XRCC3: variants seen among roughly 807,000 people sequenced by gnomAD.
The protein encoded by XRCC3 is DNA repair protein XRCC3.
XRCC3 carries 34 observed loss-of-function variants against 29.2 expected under a neutral mutation model. That is an observed-to-expected ratio of 1.16 (90% CI 0.88 to 1.55). The LOEUF is 1.55. XRCC3 is among the 40% of genes most tolerant of loss of function. XRCC3 has a pLI of 0.00. For synonymous variants in XRCC3, 223 were observed against 211.3 expected, an observed-to-expected ratio of 1.06 and a Z score of -0.48; for missense variants, 463 against 467.6, an observed-to-expected ratio of 0.99 and a Z score of 0.09.
intron 7 of XRCC3, chr14:103,701,322 T>C: frequency 9.6e-7 from 1 of 1,046,616 alleles, no homozygotes; most frequent in Non-Finnish European, 1.4e-6. Flanking sequence ...TCATTTCTCC[T>C]GCGTCTGTGT....
At chr14:103,707,368 A>G (rs2083471985) in intron 5 of XRCC3, 153 bp from the exon 6 acceptor site, 2 of 866,690 alleles carry the variant, frequency 2.3e-6, no homozygotes, top group South Asian at 3.0e-5. Context: ...TGCTGAGGGC[A>G]GGGAGGGGGG....
chr14:103,708,748 T>C, intron 4 of XRCC3, 89 bp from the exon 5 acceptor site: 2 of 1,534,164 alleles, frequency 1.3e-6, no homozygotes, highest in Non-Finnish European at 1.8e-6. Context: ...TTAAGAGCAC[T>C]GTGAGAGCAC....
At position 103,703,215 on chromosome 14, in the gene XRCC3, G is replaced by T. The variant is rs1313407368; in HGVS notation, c.519C>A (p.Leu173=). The T allele has an allele frequency of 6.4e-7, 1 of 1,569,512 alleles. No individual in the cohort carries two copies. The stretch of plus-strand genomic sequence containing the variant: ...CGATGAAGATCTGGCTGCCAAATCG[G>T]AGCTTCTGAAGCAGCTCTCCTGGAA... ...TDVPGELLQK[L]RFGSQIFIEH... is the part of the protein sequence containing the mutation. The change falls in exon 7 of 10, where the codon CTC becomes CTA. Residue 173 remains leucine (L), a synonymous_variant. Coordinates refer to ENST00000555055, the MANE Select transcript of XRCC3 (RefSeq NM_005432.4).
chr14:103,703,024 G>A (rs940842814), intron 7 of XRCC3, 149 bp downstream of exon 7: 27 of 1,260,814 alleles, frequency 2.1e-5, no homozygotes, highest in Middle Eastern at 2.1e-4. Context: ...CTCCTCGGGC[G>A]TAAACCCCCA....
Position 103,711,185 on chromosome 14 carries a change from G to T in XRCC3, c.-98C>A. ...CACTCGCCTTCAATTCAAAGCCTGT[G>T]GGAGGCCCGAACCAGGGAAGTGACA... is the stretch of plus-strand genomic sequence containing the variant. On this transcript the variant is annotated 5_prime_UTR_variant, in exon 4 of 10. Transcript: ENST00000555055. The T allele has an allele frequency of 1.4e-6, 2 of 1,379,590 alleles. No individual in the cohort carries two copies. Among genetic ancestry groups the T allele is most frequent in the South Asian group, 1.2e-5 (1 of 84,714 alleles). The allele number at this position is 1,379,590 out of a possible 1,614,324, so 85.5% of individuals were successfully genotyped here. A position where few individuals can be genotyped will look rare whatever the true frequency, so the allele number is the denominator to read the frequency against.
At position 103,703,008 on chromosome 14, in the gene XRCC3, C is replaced by A. The variant is rs180890906; in HGVS notation, c.561+165G>T. ...TCAGTCACTCTCCATCCTCTGACCC[C>A]ACCTGCTCCTCGGGCGTAAACCCCC... is the stretch of plus-strand genomic sequence containing the variant. On this transcript the variant is annotated intron_variant, in intron 7 of 9. Transcript: ENST00000555055. 10 of 1,075,454 alleles carry A rather than the reference C, an allele frequency of 9.3e-6. No individual in the cohort carries two copies. In the Admixed American group the frequency reaches 1.7e-4, roughly 19 times the overall value. 66.6% of individuals were successfully genotyped at this position (1,075,454 alleles called of 1,614,324 possible).
intron 8 of XRCC3, 71 bp from the exon 9 acceptor site, chr14:103,699,250 C>G (rs991885466): frequency 6.5e-7 from 1 of 1,539,654 alleles, no homozygotes; most frequent in African/African-American, 1.4e-5. Flanking sequence ...AGGCTGCTAC[C>G]CGCAGGAGCC....
Position 103,708,560 on chromosome 14 carries a change from G to GGGAC in XRCC3, c.154_155insGTCC (p.Thr52SerfsTer54), listed in dbSNP as rs762959042. ...GCTTCCCCGCAAGTGTAAGGAGGCC[G>GGGAC]TTCTCAGCAAGTGCCAGACCTCGGG... is the stretch of plus-strand genomic sequence containing the variant. On this transcript the variant is annotated frameshift_variant, in exon 5 of 10. Coordinates refer to ENST00000555055, the MANE Select transcript of XRCC3 (RefSeq NM_005432.4). LOFTEE classifies it high-confidence loss of function. 21 of 1,613,986 alleles carry GGGAC rather than the reference G, an allele frequency of 1.3e-5. No homozygotes were observed. Among genetic ancestry groups the GGGAC allele is most frequent in the Non-Finnish European group, 1.7e-5 (20 of 1,180,012 alleles).
At chr14:103,712,310 G>A in intron 2 of XRCC3, 1 of 155,506 alleles carries the variant, frequency 6.4e-6, no homozygotes, top group Non-Finnish European at 1.4e-5. Flanking sequence ...GACAGGAACT[G>A]GCGAGAAGCC....
In XRCC3 at chr14:103,698,898, G is replaced by A. The variant is rs1196405031; in HGVS notation, c.941C>T (p.Thr314Ile). The A allele has an allele frequency of 1.2e-6, 2 of 1,602,864 alleles. No homozygotes were observed. Among genetic ancestry groups the A allele is most frequent in the Non-Finnish European group, 1.7e-6 (2 of 1,175,238 alleles). The change falls in exon 10 of 10, where the codon ACC (threonine) becomes ATC (isoleucine). Residue 314 changes from threonine (T) to isoleucine (I), a missense_variant. By Grantham distance (89) the Thr-to-Ile change is moderately conservative. Transcript: ENST00000555055. ...EEAALGCPAR[T>I]LRVLSAPHLP... ...GTGGGGGGCAGAGAGCACCCGCAGGGTCCGGGCTGGGCAGCCGAGGGCAGC... is the reference window on the plus strand; with the variant it reads ...GTGGGGGGCAGAGAGCACCCGCAGGATCCGGGCTGGGCAGCCGAGGGCAGC...
intron 6 of XRCC3, 113 bp downstream of exon 6, chr14:103,706,890 A>G: frequency 1.7e-6 from 2 of 1,190,552 alleles, no homozygotes; most frequent in South Asian, 1.3e-5. Flanking sequence ...AGGGAGACGC[A>G]ATGGTAGGAA....
intron 3 of XRCC3, 85 bp downstream of exon 3, chr14:103,711,381 C>T (rs1567062619): frequency 1.6e-6 from 1 of 615,976 alleles, no homozygotes; most frequent in African/African-American, 1.8e-5. Context: ...GAAAAACCCC[C>T]CAAACCCACC....
rs1435280571 is a variant in XRCC3, at chr14:103,699,366, G to T, written c.772C>A (p.Gln258Lys). The change falls in exon 8 of 10, where the codon CAG (glutamine) becomes AAG (lysine). Residue 258 changes from glutamine to lysine, a missense_variant and splice_region_variant. Coordinates refer to ENST00000555055, the MANE Select transcript of XRCC3 (RefSeq NM_005432.4). ...TGCAACCCTGCCTTGGTGCTCACCT[G>T]GTTGATGCACAGCACAGGGCTCTGG... ...AFQSPVLCIN[Q>K]VTEAMEEQGA... The T allele has an allele frequency of 2.5e-6, 4 of 1,604,776 alleles. No homozygotes were observed. Among genetic ancestry groups the T allele is most frequent in the South Asian group, 1.1e-5 (1 of 90,190 alleles).
chr14:103,709,627 G>A (rs1196251827), intron 4 of XRCC3: 1 of 152,258 alleles, frequency 6.6e-6, no homozygotes, highest in Non-Finnish European at 1.5e-5. Context: ...CCAGCGGAGG[G>A]GGCTTCCCGC....
In XRCC3 at chr14:103,702,994, C is replaced by T. The variant is rs537192279; in HGVS notation, c.561+179G>A. ...CCTGCCAGTTCCTCTCAGTCACTCT[C>T]CATCCTCTGACCCCACCTGCTCCTC... On this transcript the variant is annotated intron_variant, in intron 7 of 9. Transcript: ENST00000555055. 3 of 931,270 alleles carry T rather than the reference C, an allele frequency of 3.2e-6. No individual in the cohort carries two copies. In the Admixed American group the frequency reaches 6.9e-5, roughly 21 times the overall value. 57.7% of individuals were successfully genotyped at this position (931,270 alleles called of 1,614,324 possible).
In XRCC3 at chr14:103,698,506, G is replaced by C; in HGVS notation, c.*292C>G. On this transcript the variant is annotated 3_prime_UTR_variant, in exon 10 of 10. Transcript: ENST00000555055. ...AGGGAGTCACTGTAGGACACCCCAG[G>C]CTCCAGCCCTGAGAATCACCTCTCC... is the stretch of plus-strand genomic sequence containing the variant. 1 of 475,160 alleles carries C rather than the reference G, an allele frequency of 2.1e-6. No homozygotes were observed. The highest frequency in any genetic ancestry group is 3.9e-6 in the Non-Finnish European group (1 of 257,510). The allele number at this position is 475,160 out of a possible 1,614,324, so 29.4% of individuals were successfully genotyped here. A position where few individuals can be genotyped will look rare whatever the true frequency, so the allele number is the denominator to read the frequency against.
At chr14:103,708,857 G>C in intron 4 of XRCC3, 198 bp from the exon 5 acceptor site, 1 of 673,320 alleles carries the variant, frequency 1.5e-6, no homozygotes, top group Non-Finnish European at 2.6e-6. Flanking sequence ...ACGAGGAAAG[G>C]GCTGCTGGAC....
chr14:103,700,083 C>A (rs1184143598), intron 7 of XRCC3: 1 of 226,196 alleles, frequency 4.4e-6, no homozygotes, highest in Non-Finnish European at 8.9e-6. Context: ...GGGCCTGATG[C>A]CCTTCAGGCG....
At chr14:103,710,666 C>T (rs964851577) in intron 4 of XRCC3, 7 of 214,860 alleles carry the variant, frequency 3.3e-5, no homozygotes, top group South Asian at 1.3e-4. Context: ...GTGTGAACCC[C>T]GGGAGGCGGA....
Sources: gnomAD v4.1 joint callset for allele counts on GRCh38, gnomAD v4.1.1 for gene constraint, MANE v1.5 for transcripts, NCBI Gene and HGNC (gene_info 2026-07-23, HGNC 2026-07-21) for gene names.